FOXN3: variants seen among roughly 807,000 people sequenced by gnomAD.
The protein encoded by FOXN3 is forkhead box protein N3.
Under a neutral mutation model 38.4 loss-of-function variants are expected in FOXN3, and 7 were observed. The observed-to-expected ratio is 0.18, with a 90% CI of 0.10 to 0.34. The LOEUF (loss-of-function observed/expected upper bound fraction) is 0.34. FOXN3 is among the 10% of genes least tolerant of loss of function. The pLI, the probability that FOXN3 is intolerant of heterozygous loss-of-function variation, is 1.00. For missense variants in FOXN3, 456 were observed against 613.4 expected (o/e 0.74, Z 2.71); for synonymous variants, 230 against 242.2 (o/e 0.95, Z 0.47).
chr14:89,353,641 C>T (rs1332177244), intron 2 of FOXN3: 1 of 152,266 alleles, frequency 6.6e-6, no homozygotes, highest in East Asian at 1.9e-4. Context: ...GACTACCTGG[C>T]TGCTGAAAGT....
At chr14:89,239,353 T>G (rs1885075085) in intron 4 of FOXN3, among the ~76,000 whole-genome samples, 1 of 152,224 alleles carries the variant, frequency 6.6e-6, no homozygotes, top group Non-Finnish European at 1.5e-5. Flanking sequence ...AGATCTATTT[T>G]CTGTCCCTCA....
intron 1 of FOXN3, among the ~76,000 whole-genome samples, chr14:89,614,357 C>G (rs1215037331): frequency 6.6e-6 from 1 of 152,122 alleles, no homozygotes; most frequent in Admixed American, 6.5e-5. Context: ...TAAAAGGGGC[C>G]CTGGTTTATA....
At chr14:89,472,949 A>G (rs945941191) in intron 1 of FOXN3, among the ~76,000 whole-genome samples, 1 of 152,202 alleles carries the variant, frequency 6.6e-6, no homozygotes, top group African/African-American at 2.4e-5. Flanking sequence ...TTCCAGGGGC[A>G]AAGTCAGACA....
chr14:89,398,693 A>G (rs565999443), intron 2 of FOXN3, among the ~76,000 whole-genome samples: 1 of 152,326 alleles, frequency 6.6e-6, no homozygotes, highest in Non-Finnish European at 1.5e-5. Context: ...TTTTCTTTTC[A>G]TTAGTACTGG....
intron 2 of FOXN3, among the ~76,000 whole-genome samples, chr14:89,366,261 A>G (rs938588163): frequency 2.8e-4 from 5 of 18,180 alleles, no homozygotes; most frequent in Non-Finnish European, 6.3e-4. Flanking sequence ...TCAAAAAAAG[A>G]AAAAAAAAAA....
intron 2 of FOXN3, among the ~76,000 whole-genome samples, chr14:89,366,039 C>G (rs910365735): frequency 2.0e-5 from 3 of 152,040 alleles, no homozygotes; most frequent in African/African-American, 7.2e-5. Context: ...ATCACGAGGT[C>G]AGGAGATTGA....
chr14:89,400,643 C>T (rs1891220230), intron 2 of FOXN3, among the ~76,000 whole-genome samples: 1 of 152,126 alleles, frequency 6.6e-6, no homozygotes, highest in Non-Finnish European at 1.5e-5. Context: ...GTCCTTTAGA[C>T]ATAACATTCT....
At position 89,548,165 on chromosome 14, in the gene FOXN3, A is replaced by C. The variant is rs1894922207; in HGVS notation, c.-15+70863T>G. Among the ~76,000 whole-genome samples, 1 of 152,172 alleles carries C rather than the reference A, an allele frequency of 6.6e-6. No individual in the cohort carries two copies. Among genetic ancestry groups the C allele is most frequent in the South Asian group, 2.1e-4 (1 of 4,834 alleles). On this transcript the variant is annotated intron_variant, in intron 1 of 6. Transcript: ENST00000345097. This position sits in a 1 kb window ranked among gnomAD's most constrained non-coding sequence, Gnocchi z 4.8. ...ACAGCTTTGGGACAAGAAACACCCCATTCACTTAGAGTAAAAATTACCTTT... is the reference window on the plus strand; with the variant it reads ...ACAGCTTTGGGACAAGAAACACCCCCTTCACTTAGAGTAAAAATTACCTTT...
intron 2 of FOXN3, among the ~76,000 whole-genome samples, chr14:89,392,833 A>T (rs1341498230): frequency 7.1e-6 from 1 of 139,906 alleles, no homozygotes; most frequent in Non-Finnish European, 1.5e-5. Context: ...TTGAGACAGC[A>T]TCTCGCTCTG....
At chr14:89,562,982 A>T (rs1895281340) in intron 1 of FOXN3, among the ~76,000 whole-genome samples, 1 of 152,252 alleles carries the variant, frequency 6.6e-6, no homozygotes, top group Admixed American at 6.5e-5. Flanking sequence ...GAGAAAAATG[A>T]GAGTCTAAGT....
At chr14:89,169,226 A>G (rs1168954113) in intron 5 of FOXN3, among the ~76,000 whole-genome samples, 1 of 152,148 alleles carries the variant, frequency 6.6e-6, no homozygotes. Context: ...GAATCTCTTG[A>G]GCCCAGGAGT....
At chr14:89,536,782 AT>A (rs1315793152) in intron 1 of FOXN3, among the ~76,000 whole-genome samples, 13 of 52,678 alleles carry the variant, frequency 2.5e-4, no homozygotes, top group Admixed American at 1.1e-3. Flanking sequence ...TATCTCAAAA[AT>A]AAAAAAAAAA....
At chr14:89,607,166 C>T (rs574784482) in intron 1 of FOXN3, among the ~76,000 whole-genome samples, 2 of 152,260 alleles carry the variant, frequency 1.3e-5, no homozygotes, top group African/African-American at 4.8e-5. Context: ...GCCACTTTTG[C>T]AAACAGAAGG....
intron 4 of FOXN3, among the ~76,000 whole-genome samples, chr14:89,252,420 C>T (rs778726869): frequency 2.6e-5 from 4 of 151,970 alleles, no homozygotes; most frequent in African/African-American, 4.8e-5. Flanking sequence ...TTTGGGAGGC[C>T]GAGGAGGGCG....
intron 1 of FOXN3, among the ~76,000 whole-genome samples, chr14:89,507,735 A>C (rs1464407772): frequency 6.6e-6 from 1 of 152,068 alleles, no homozygotes; most frequent in African/African-American, 2.4e-5. Flanking sequence ...CTGCTCATCA[A>C]TGCTGCAGTC....
rs534116709 is a variant in FOXN3 at position 89,163,667 on chromosome 14, C to T, written c.852-698G>A. Among the ~76,000 whole-genome samples the T allele has an allele frequency of 6.6e-5, 10 of 152,274 alleles. No homozygotes were observed. The highest frequency in any genetic ancestry group is 1.7e-4 in the African/African-American group (7 of 41,548). On this transcript the variant is annotated intron_variant, in intron 5 of 5. Transcript: ENST00000557258. The surrounding 1 kb of genome is among the most constrained non-coding windows in gnomAD (Gnocchi z 4.3). ...CAGAGGGCAATAAACTACGACTTCC[C>T]GAACTCAACACCTGCCAGGCGCTCT...
At chr14:89,549,719 T>C (rs1315721515) in intron 1 of FOXN3, among the ~76,000 whole-genome samples, 1 of 152,236 alleles carries the variant, frequency 6.6e-6, no homozygotes, top group African/African-American at 2.4e-5. Flanking sequence ...TCTTTTCAGA[T>C]TCAAGGCATG....
At chr14:89,224,342 T>C (rs1884563754) in intron 4 of FOXN3, among the ~76,000 whole-genome samples, 1 of 152,222 alleles carries the variant, frequency 6.6e-6, no homozygotes. Flanking sequence ...TTAAAAGTGA[T>C]TATTAAAAAC....
At chr14:89,291,824 T>C (rs1271963019) in intron 3 of FOXN3, among the ~76,000 whole-genome samples, 1 of 152,238 alleles carries the variant, frequency 6.6e-6, no homozygotes. Flanking sequence ...CTGGATTGGA[T>C]AATTCTTGTC....
Sources: gnomAD v4.1 joint callset for allele counts (sites outside exome capture counted in the v4.1 genomes callset) on GRCh38, gnomAD v4.1.1 for gene constraint, Gnocchi (gnomAD v3.1) non-coding constraint, MANE v1.5 for transcripts, NCBI Gene and HGNC (gene_info 2026-07-23, HGNC 2026-07-21) for gene names.